The following ABCG4 variants were observed in gnomAD, a reference collection of about 807,000 sequenced individuals.
ABCG4 encodes the protein ATP-binding cassette sub-family G member 4.
In ABCG4, 35 loss-of-function variants were observed where a neutral mutation model predicts 64.6. That is an observed-to-expected ratio of 0.54 (90% CI 0.41 to 0.72). ABCG4 has a LOEUF of 0.72. Among genes scored for constraint, ABCG4 ranks in the 30% least tolerant of loss-of-function variants. ABCG4 has a pLI of 0.00. For missense variants in ABCG4, 610 were observed against 846.3 expected (o/e 0.72, Z 3.46); for synonymous variants, 326 against 348.2 (o/e 0.94, Z 0.71).
At position 119,155,342 on chromosome 11, in the gene ABCG4, G is replaced by A. The variant is rs7108508; in HGVS notation, c.686+427G>A. Reference sequence around the variant, plus strand: ...AGTGAACTTTCTTTTATTTTTTTAAGATGGAGTCTCGCTCTGTCACCCAGG... The same window carrying A: ...AGTGAACTTTCTTTTATTTTTTTAAAATGGAGTCTCGCTCTGTCACCCAGG... On this transcript the variant is annotated intron_variant, in intron 6 of 14. Transcript: ENST00000619701. This position sits in a 1 kb window ranked among gnomAD's most constrained non-coding sequence, Gnocchi z 4.5. Among the ~76,000 whole-genome samples, 16,821 of 151,930 alleles carry A rather than the reference G, an allele frequency of 0.11. 1,238 individuals are homozygous for A. The highest frequency in any genetic ancestry group is 0.3 in the South Asian group (1,450 of 4,818).
In ABCG4 at chr11:119,155,061, T is replaced by C. The variant is rs543124727; in HGVS notation, c.686+146T>C. ...AAGGGCTTCTTCCTCATCTCCACCCTTGCCAATTCTGTTGCTGTGAGCTGC... is the reference window on the plus strand; with the variant it reads ...AAGGGCTTCTTCCTCATCTCCACCCCTGCCAATTCTGTTGCTGTGAGCTGC... On this transcript the variant is annotated intron_variant, in intron 6 of 14. Coordinates refer to ENST00000619701, the MANE Select transcript of ABCG4 (RefSeq NM_022169.5). This position sits in a 1 kb window ranked among gnomAD's most constrained non-coding sequence, Gnocchi z 4.5. 228 of 1,197,728 alleles carry C rather than the reference T, an allele frequency of 1.9e-4. No individual in the cohort carries two copies. The African/African-American group carries it at 2.9e-3, about 15-fold the overall frequency. 74.2% of individuals were successfully genotyped at this position (1,197,728 alleles called of 1,614,324 possible).
In ABCG4 at chr11:119,160,709, T is replaced by C. The variant is rs1366307224; in HGVS notation, c.1715+53T>C. 2 of 1,537,812 alleles carry C rather than the reference T, an allele frequency of 1.3e-6. No homozygotes were observed. The highest frequency in any genetic ancestry group is 1.8e-6 in the Non-Finnish European group (2 of 1,111,782). ...CTCTGCTCCTCCCTGGAGGAGTCCA[T>C]ACCCAGGGCTTCCTGGGTTGTGCCA... On this transcript the variant is annotated intron_variant, in intron 14 of 14. Coordinates refer to ENST00000619701, the MANE Select transcript of ABCG4 (RefSeq NM_022169.5). The surrounding 1 kb of genome is among the most constrained non-coding windows in gnomAD (Gnocchi z 4.6).
rs994091822 is a variant in ABCG4, at chr11:119,155,702, C to G, written c.687-627C>G. 6.5e-6 allele frequency: 1 copy of G among 153,258 alleles called. No homozygotes were observed. Among genetic ancestry groups the G allele is most frequent in the Non-Finnish European group, 1.5e-5 (1 of 68,872 alleles). 9.5% of individuals were successfully genotyped at this position (153,258 alleles called of 1,614,324 possible). ...CAGTGTTTCCTTTCTGACTTGTCCT[C>G]GAAATAAAGTCAGGTGACTTACAAG... is the stretch of plus-strand genomic sequence containing the variant. On this transcript the variant is annotated intron_variant, in intron 6 of 14. Transcript: ENST00000619701. The surrounding 1 kb of genome is among the most constrained non-coding windows in gnomAD (Gnocchi z 4.5).
Position 119,160,525 on chromosome 11 carries a change from C to A in ABCG4, c.1597-13C>A. 1 of 1,607,886 alleles carries A rather than the reference C, an allele frequency of 6.2e-7. No individual in the cohort carries two copies. Among genetic ancestry groups the A allele is most frequent in the Non-Finnish European group, 8.5e-7 (1 of 1,178,258 alleles). On this transcript the variant is annotated splice_polypyrimidine_tract_variant and intron_variant, in intron 13 of 14. Coordinates refer to ENST00000619701, the MANE Select transcript of ABCG4 (RefSeq NM_022169.5). The surrounding 1 kb of genome is among the most constrained non-coding windows in gnomAD (Gnocchi z 4.6). ...ACCCCTATGATGGCCTGGCCCCCTC[C>A]CTTCCCCTCTAGGTGGCCACTTTTG... is the stretch of plus-strand genomic sequence containing the variant.
rs1482405501 is a variant in ABCG4, at chr11:119,158,313, T to C, written c.1148T>C (p.Leu383Pro). Residue 383 changes from leucine to proline, a missense_variant, in exon 10 of 15, where the codon CTG becomes CCG. Leu to Pro is a moderately conservative substitution (Grantham distance 98). Coordinates refer to ENST00000619701, the MANE Select transcript of ABCG4 (RefSeq NM_022169.5). This position sits in a 1 kb window ranked among gnomAD's most constrained non-coding sequence, Gnocchi z 4.5. The stretch of plus-strand genomic sequence containing the variant: ...TGCATCCTCTTCAAGAGGACCTTCC[T>C]GTCCATCCTCAGGGACACGGTGAGG... ...QFCILFKRTFLSILRDTVLTH... is the reference protein window; with the variant it reads ...QFCILFKRTFPSILRDTVLTH... The C allele has an allele frequency of 3.1e-6, 5 of 1,614,016 alleles. No homozygotes were observed. The highest frequency in any genetic ancestry group is 4.2e-6 in the Non-Finnish European group (5 of 1,180,002).
rs1422664268 is a variant in ABCG4, at chr11:119,149,730, A to T, written c.-12-224A>T. Reference sequence around the variant, plus strand: ...AGCCGCCGGGAGGAAGGAGCGATTGAGGGCTTCAAGGGGACGGGCTGGGGT... The same window carrying T: ...AGCCGCCGGGAGGAAGGAGCGATTGTGGGCTTCAAGGGGACGGGCTGGGGT... On this transcript the variant is annotated intron_variant, in intron 1 of 14. Coordinates refer to ENST00000619701, the MANE Select transcript of ABCG4 (RefSeq NM_022169.5). The surrounding 1 kb of genome is among the most constrained non-coding windows in gnomAD (Gnocchi z 8.3). 2.1e-5 allele frequency: 13 copies of T among 624,832 alleles called. No homozygotes were observed. The highest frequency in any genetic ancestry group is 3.5e-5 in the Non-Finnish European group (13 of 373,696). 38.7% of individuals were successfully genotyped at this position (624,832 alleles called of 1,614,324 possible).
chr11:119,153,516 C>T (rs888527557), intron 2 of ABCG4: 1 of 158,830 alleles, frequency 6.3e-6, no homozygotes, highest in Non-Finnish European at 1.4e-5. Context: ...GCTGAGATTA[C>T]CAAGATGAGT....
Position 119,154,598 on chromosome 11 carries a change from G to A in ABCG4, c.540+23G>A. On this transcript the variant is annotated intron_variant, in intron 5 of 14. Transcript: ENST00000619701. The surrounding 1 kb of genome is among the most constrained non-coding windows in gnomAD (Gnocchi z 7.0). Reference sequence around the variant, plus strand: ...CTGGTGAGTGGGGAAGGGAGGCAGTGGGACCACTCCCTTTTGTGGTGCTGC... The same window carrying A: ...CTGGTGAGTGGGGAAGGGAGGCAGTAGGACCACTCCCTTTTGTGGTGCTGC... 6.2e-7 allele frequency: 1 copy of A among 1,611,196 alleles called. No individual in the cohort carries two copies. Among genetic ancestry groups the A allele is most frequent in the Non-Finnish European group, 8.5e-7 (1 of 1,179,082 alleles).
At chr11:119,151,505 G>A (rs1027155150) in intron 2 of ABCG4, among the ~76,000 whole-genome samples, 1 of 152,196 alleles carries the variant, frequency 6.6e-6, no homozygotes. Context: ...AGGGTAGGCA[G>A]AAAGGAAAGA....
At position 119,156,815 on chromosome 11, in the gene ABCG4, C is replaced by T. The variant is rs1159112263; in HGVS notation, c.926-57C>T. 10 of 1,591,194 alleles carry T rather than the reference C, an allele frequency of 6.3e-6. No homozygotes were observed. Among genetic ancestry groups the T allele is most frequent in the Non-Finnish European group, 7.7e-6 (9 of 1,165,528 alleles). ...CCCCACACACCCAAGGCGGGACTGACTTGCCCTTGGGAAGTGAGTGTGAAT... is the reference window on the plus strand; with the variant it reads ...CCCCACACACCCAAGGCGGGACTGATTTGCCCTTGGGAAGTGAGTGTGAAT... On this transcript the variant is annotated intron_variant, in intron 8 of 14. Coordinates refer to ENST00000619701, the MANE Select transcript of ABCG4 (RefSeq NM_022169.5). This position sits in a 1 kb window ranked among gnomAD's most constrained non-coding sequence, Gnocchi z 5.5.
rs1240968815 is a variant in ABCG4 at position 119,150,216 on chromosome 11, C to T, written c.238+13C>T. 3 of 1,610,298 alleles carry T rather than the reference C, an allele frequency of 1.9e-6. No individual in the cohort carries two copies. The highest frequency in any genetic ancestry group is 2.7e-5 in the African/African-American group (2 of 74,860). Reference sequence around the variant, plus strand: ...TGGCGCAAAAGGGGTAGGGAACAGCCTGGTAGGGGGAGTCCGTGGGCCCTC... The same window carrying T: ...TGGCGCAAAAGGGGTAGGGAACAGCTTGGTAGGGGGAGTCCGTGGGCCCTC... On this transcript the variant is annotated intron_variant, in intron 2 of 14. Transcript: ENST00000619701. This position sits in a 1 kb window ranked among gnomAD's most constrained non-coding sequence, Gnocchi z 4.3.
At position 119,156,475 on chromosome 11, in the gene ABCG4, G is replaced by T; in HGVS notation, c.810+23G>T. On this transcript the variant is annotated intron_variant, in intron 7 of 14. Coordinates refer to ENST00000619701, the MANE Select transcript of ABCG4 (RefSeq NM_022169.5). The surrounding 1 kb of genome is among the most constrained non-coding windows in gnomAD (Gnocchi z 5.5). ...AAGGTGAGTGTCTCCAGGCCTCAAG[G>T]AGGATTGGCCTGAGATGGAGGGATG... The T allele has an allele frequency of 6.2e-7, 1 of 1,614,198 alleles. No homozygotes were observed. Among genetic ancestry groups the T allele is most frequent in the Non-Finnish European group, 8.5e-7 (1 of 1,180,034 alleles).
In ABCG4 at chr11:119,154,108, C is replaced by A; in HGVS notation, c.321C>A (p.Gly107=). 6.2e-7 allele frequency: 1 copy of A among 1,614,176 alleles called. No individual in the cohort carries two copies. Reference sequence around the variant, plus strand: ...GCATCATGGGCCCCTCAGGGGCTGGCAAGTCTACATTCATGAACATCTTGG... The same window carrying A: ...GCATCATGGGCCCCTCAGGGGCTGGAAAGTCTACATTCATGAACATCTTGG... ...LIGIMGPSGA[G]KSTFMNILAG... is the part of the protein sequence containing the mutation. Residue 107 remains glycine, a synonymous_variant, in exon 3 of 15, where the codon GGC becomes GGA. Transcript: ENST00000619701. The surrounding 1 kb of genome is among the most constrained non-coding windows in gnomAD (Gnocchi z 7.0).
Position 119,155,356 on chromosome 11 carries a change from C to G in ABCG4, c.686+441C>G, listed in dbSNP as rs1171915132. 1.3e-5 allele frequency among the ~76,000 whole-genome samples: 2 copies of G among 152,086 alleles called. No individual in the cohort carries two copies. Among genetic ancestry groups the G allele is most frequent in the East Asian group, 3.8e-4 (2 of 5,200 alleles). On this transcript the variant is annotated intron_variant, in intron 6 of 14. Transcript: ENST00000619701. The surrounding 1 kb of genome is among the most constrained non-coding windows in gnomAD (Gnocchi z 4.5). Reference sequence around the variant, plus strand: ...TATTTTTTTAAGATGGAGTCTCGCTCTGTCACCCAGGCTGGAGTGCAGTGG... The same window carrying G: ...TATTTTTTTAAGATGGAGTCTCGCTGTGTCACCCAGGCTGGAGTGCAGTGG...
At position 119,154,321 on chromosome 11, in the gene ABCG4, C is replaced by T. The variant is rs1309476298; in HGVS notation, c.418C>T (p.Arg140Cys). ...NGRPRELRTFRKMSCYIMQDD... is the reference protein window; with the variant it reads ...NGRPRELRTFCKMSCYIMQDD... Reference sequence around the variant, plus strand: ...AAGGCCACGGGAGCTGAGGACCTTCCGCAAGATGTCCTGCTACATCATGCA... The same window carrying T: ...AAGGCCACGGGAGCTGAGGACCTTCTGCAAGATGTCCTGCTACATCATGCA... Residue 140 changes from arginine (R) to cysteine (C), a missense_variant, in exon 4 of 15, where the codon CGC (arginine) becomes TGC (cysteine). Arg to Cys is a radical substitution (Grantham distance 180). Transcript: ENST00000619701. This position sits in a 1 kb window ranked among gnomAD's most constrained non-coding sequence, Gnocchi z 7.0. The T allele has an allele frequency of 2.5e-6, 4 of 1,614,180 alleles. No individual in the cohort carries two copies. Among genetic ancestry groups the T allele is most frequent in the South Asian group, 2.2e-5 (2 of 91,084 alleles).
rs772814297 is a variant in ABCG4, at chr11:119,158,799, C to T, written c.1337-30C>T. ...TTGGGGCAGGGGCCAGGGTGTCGGC[C>T]GGGTGTGCCTAAGCAGCCTGTGTCC... is the stretch of plus-strand genomic sequence containing the variant. On this transcript the variant is annotated intron_variant, in intron 11 of 14. Transcript: ENST00000619701. This position sits in a 1 kb window ranked among gnomAD's most constrained non-coding sequence, Gnocchi z 4.5. The T allele has an allele frequency of 1.4e-5, 23 of 1,613,934 alleles. No individual in the cohort carries two copies. The highest frequency in any genetic ancestry group is 7.7e-5 in the South Asian group (7 of 91,082).
At position 119,155,053 on chromosome 11, in the gene ABCG4, C is replaced by T. The variant is rs1948248299; in HGVS notation, c.686+138C>T. 1 of 1,259,204 alleles carries T rather than the reference C, an allele frequency of 7.9e-7. No individual in the cohort carries two copies. Among genetic ancestry groups the T allele is most frequent in the South Asian group, 1.6e-5 (1 of 64,374 alleles). The allele number at this position is 1,259,204 out of a possible 1,614,324, so 78.0% of individuals were successfully genotyped here. A position where few individuals can be genotyped will look rare whatever the true frequency, so the allele number is the denominator to read the frequency against. On this transcript the variant is annotated intron_variant, in intron 6 of 14. Transcript: ENST00000619701. This position sits in a 1 kb window ranked among gnomAD's most constrained non-coding sequence, Gnocchi z 4.5. ...GCCAAGATAAGGGCTTCTTCCTCAT[C>T]TCCACCCTTGCCAATTCTGTTGCTG...
intron 12 of ABCG4, among the ~76,000 whole-genome samples, chr11:119,159,795 G>T (rs1048363213): frequency 1.3e-5 from 2 of 152,092 alleles, no homozygotes; most frequent in African/African-American, 4.8e-5. Flanking sequence ...CTTTGGCCTG[G>T]TTGGCTCTTG....
chr11:119,155,981 G>A lies in ABCG4; in HGVS notation c.687-348G>A, dbSNP rs139334623. The stretch of plus-strand genomic sequence containing the variant: ...CACCTGCTACAGCTGAGCTGAATCC[G>A]CCCCCTCTTTCACCCAGTGTTGCTA... On this transcript the variant is annotated intron_variant, in intron 6 of 14. Transcript: ENST00000619701. This position sits in a 1 kb window ranked among gnomAD's most constrained non-coding sequence, Gnocchi z 4.5. 5.1e-4 allele frequency: 131 copies of A among 258,468 alleles called. No individual in the cohort carries two copies. The highest frequency in any genetic ancestry group is 2.7e-3 in the African/African-American group (121 of 45,052). 16.0% of individuals were successfully genotyped at this position (258,468 alleles called of 1,614,324 possible).
Sources: allele counts gnomAD v4.1 joint callset (sites outside exome capture counted in the v4.1 genomes callset), GRCh38; gene constraint gnomAD v4.1.1; non-coding constraint Gnocchi (gnomAD v3.1); transcripts MANE v1.5; gene names NCBI Gene and HGNC (gene_info 2026-07-23, HGNC 2026-07-21).